The following NRXN1 variants were observed in gnomAD, a reference collection of about 807,000 sequenced individuals.
The protein encoded by NRXN1 is neurexin 1.
A neutral mutation model predicts 150.9 loss-of-function variants in NRXN1; 39 were observed. That is an observed-to-expected ratio of 0.26 (90% confidence interval 0.20 to 0.34). The LOEUF (loss-of-function observed/expected upper bound fraction) is 0.34, where lower values mean the gene tolerates loss of function less well. NRXN1 is among the 10% of genes least tolerant of loss of function. The pLI is 1.00. For missense variants in NRXN1, 1,815 were observed against 1,949.9 expected (o/e 0.93, Z 1.30); for synonymous variants, 924 against 757.0 (o/e 1.22, Z -3.62).
intron 17 of NRXN1, among the ~76,000 whole-genome samples, chr2:50,249,496 T>G (rs2066836083): frequency 6.6e-6 from 1 of 152,240 alleles, no homozygotes; most frequent in South Asian, 2.1e-4. Flanking sequence ...AACATCTGTA[T>G]ACTCAATAAA....
chr2:50,254,260 A>T (rs1321681362), intron 17 of NRXN1, among the ~76,000 whole-genome samples: 1 of 150,394 alleles, frequency 6.6e-6, no homozygotes, highest in Non-Finnish European at 1.5e-5. Context: ...CAGTGATGAT[A>T]TCCCCTTTAT....
intron 17 of NRXN1, among the ~76,000 whole-genome samples, chr2:50,421,667 A>G (rs1454914514): frequency 6.6e-6 from 1 of 152,168 alleles, no homozygotes; most frequent in East Asian, 1.9e-4. Flanking sequence ...CTGCAGGATG[A>G]CATCACCCAT....
intron 21 of NRXN1, among the ~76,000 whole-genome samples, chr2:50,020,222 T>G (rs1441547053): frequency 6.6e-6 from 1 of 152,150 alleles, no homozygotes; most frequent in Non-Finnish European, 1.5e-5. Context: ...TAAAAATGAT[T>G]GTGTATCATC....
At chr2:50,233,284 TGGTA>T (rs1296748952) in intron 18 of NRXN1, among the ~76,000 whole-genome samples, 3 of 152,010 alleles carry the variant, frequency 2.0e-5, no homozygotes, top group African/African-American at 7.2e-5. Flanking sequence ...AGGTTAACAG[TGGTA>T]GCATCAATAT....
At chr2:51,018,379 C>T (rs777146240) in intron 2 of NRXN1, among the ~76,000 whole-genome samples, 1 of 152,010 alleles carries the variant, frequency 6.6e-6, no homozygotes, top group Non-Finnish European at 1.5e-5. Flanking sequence ...CAGTTTTGAG[C>T]GTGAGTAACT....
At chr2:50,553,472 T>C (rs1667809842) in intron 8 of NRXN1, among the ~76,000 whole-genome samples, 1 of 152,232 alleles carries the variant, frequency 6.6e-6, no homozygotes, top group African/African-American at 2.4e-5. Flanking sequence ...TACCATTATA[T>C]ACCAGTCCCC....
rs1041697590 is a variant in NRXN1, at chr2:50,808,430, G to A, written c.832+113439C>T. ...AGGTAAATTAACCAACTACCATTAC[G>A]TTTTAGGATTAAGAGATATAGCTTT... On this transcript the variant is annotated intron_variant, in intron 5 of 22. Coordinates refer to ENST00000401669, the MANE Select transcript of NRXN1 (RefSeq NM_001330078.2). Among the ~76,000 whole-genome samples the A allele has an allele frequency of 3.3e-5, 5 of 151,858 alleles. No individual in the cohort carries two copies. In the East Asian group the frequency reaches 5.8e-4, roughly 18 times the overall value.
At chr2:50,133,467 T>A (rs17039947) in intron 18 of NRXN1, among the ~76,000 whole-genome samples, 28,194 of 152,130 alleles carry the variant, frequency 0.19, 3,091 homozygotes, top group East Asian at 0.37. Flanking sequence ...CCACACCCAT[T>A]TGACACCCAA....
rs1335892175 is a variant in NRXN1, at chr2:50,501,391, G to T, written c.2498-3677C>A. Reference sequence around the variant, plus strand: ...GGTTAACCATGACTCGTGTATGTGTGTGTGTGTGAGTGTGTGTGTGTGTGT... The same window carrying T: ...GGTTAACCATGACTCGTGTATGTGTTTGTGTGTGAGTGTGTGTGTGTGTGT... On this transcript the variant is annotated intron_variant, in intron 13 of 22. Coordinates refer to ENST00000401669, the MANE Select transcript of NRXN1 (RefSeq NM_001330078.2). Among the ~76,000 whole-genome samples, 10 of 105,664 alleles carry T rather than the reference G, an allele frequency of 9.5e-5. No homozygotes were observed. In the East Asian group the frequency reaches 2.5e-3, roughly 27 times the overall value. The allele number at this position is 105,664 out of a possible 152,430, so 69.3% of individuals were successfully genotyped here.
Position 50,280,277 on chromosome 2 carries a change from C to CA in NRXN1, c.3365-43308dup, listed in dbSNP as rs4032052. On this transcript the variant is annotated intron_variant, in intron 17 of 22. Coordinates refer to ENST00000401669, the MANE Select transcript of NRXN1 (RefSeq NM_001330078.2). ...TGGGTCACAGAGCAAGAATCAGTCTCAAAAAAAAAAAAAAAAACAGATATA... is the reference window on the plus strand; with the variant it reads ...TGGGTCACAGAGCAAGAATCAGTCTCAAAAAAAAAAAAAAAAAACAGATATA... 1.0e-2 allele frequency among the ~76,000 whole-genome samples: 1,226 copies of CA among 122,786 alleles called. 9 individuals carry two copies. Among genetic ancestry groups the CA allele is most frequent in the East Asian group, 0.038 (161 of 4,252 alleles). The allele number at this position is 122,786 out of a possible 152,430, so 80.6% of individuals were successfully genotyped here. A position where few individuals can be genotyped will look rare whatever the true frequency, so the allele number is the denominator to read the frequency against.
chr2:50,053,367 T>C lies in NRXN1; in HGVS notation c.4032A>G (p.Gln1344=), dbSNP rs770809618. 11 of 1,613,914 alleles carry C rather than the reference T, an allele frequency of 6.8e-6. No individual in the cohort carries two copies. Among genetic ancestry groups the C allele is most frequent in the Admixed American group, 5.0e-5 (3 of 59,986 alleles). The change falls in exon 21 of 23, where the codon CAA becomes CAG. Residue 1344 remains glutamine (Q), a synonymous_variant. Transcript: ENST00000401669. ...CCATAATTGATGTGGACATCTCTGATTGCATGGCAGTGGCTGTTGACTCAG... is the reference window on the plus strand; with the variant it reads ...CCATAATTGATGTGGACATCTCTGACTGCATGGCAGTGGCTGTTGACTCAG... The part of the protein sequence containing the change: ...MTTESTATAM[Q]SEMSTSIMET...
chr2:50,877,509 G>A (rs921325425), intron 5 of NRXN1, among the ~76,000 whole-genome samples: 1 of 151,884 alleles, frequency 6.6e-6, no homozygotes, highest in African/African-American at 2.4e-5. Flanking sequence ...CTGCATTAAA[G>A]TGATTCCTTC....
intron 17 of NRXN1, among the ~76,000 whole-genome samples, chr2:50,425,911 A>G (rs1177162211): frequency 6.6e-6 from 1 of 152,156 alleles, no homozygotes; most frequent in South Asian, 2.1e-4. Flanking sequence ...AACAGAAAAT[A>G]CAGGCTACTA....
chr2:50,329,645 A>C (rs1186477398), intron 17 of NRXN1, among the ~76,000 whole-genome samples: 3 of 7,276 alleles, frequency 4.1e-4, no homozygotes, highest in Admixed American at 2.0e-3. Flanking sequence ...ATATATATAT[A>C]TATATATATA....
chr2:49,943,329 G>A (rs1235321083), intron 22 of NRXN1, among the ~76,000 whole-genome samples: 1 of 152,096 alleles, frequency 6.6e-6, no homozygotes, highest in African/African-American at 2.4e-5. Flanking sequence ...TCAGTAGAAA[G>A]GTCAAATAAT....
chr2:50,839,288 C>G (rs1347024910), intron 5 of NRXN1, among the ~76,000 whole-genome samples: 1 of 151,984 alleles, frequency 6.6e-6, no homozygotes, highest in African/African-American at 2.4e-5. Flanking sequence ...ATCTCATGAT[C>G]CCTTTACTAT....
intron 18 of NRXN1, among the ~76,000 whole-genome samples, chr2:50,182,245 T>G (rs2060777578): frequency 6.6e-6 from 1 of 151,984 alleles, no homozygotes; most frequent in Admixed American, 6.6e-5. Context: ...AGATCCTCTT[T>G]TTCTTCTCTC....
At chr2:50,684,025 G>A (rs772808203) in intron 5 of NRXN1, among the ~76,000 whole-genome samples, 1 of 151,644 alleles carries the variant, frequency 6.6e-6, no homozygotes, top group Admixed American at 6.6e-5. Flanking sequence ...TTTCATCTTT[G>A]GCAATTTTCT....
intron 21 of NRXN1, among the ~76,000 whole-genome samples, chr2:50,029,785 A>T (rs1688918189): frequency 6.6e-6 from 1 of 152,208 alleles, no homozygotes; most frequent in Admixed American, 6.5e-5. Flanking sequence ...TAATATGAAT[A>T]GGTTTCACCA....
Sources: gnomAD v4.1 joint callset for allele counts (sites outside exome capture counted in the v4.1 genomes callset) on GRCh38, gnomAD v4.1.1 for gene constraint, MANE v1.5 for transcripts, NCBI Gene and HGNC (gene_info 2026-07-23, HGNC 2026-07-21) for gene names.